LIMS4: variants seen among roughly 807,000 people sequenced by gnomAD.
LIMS4 encodes the protein LIM zinc finger domain containing 4.
the LIMS4 span, among the ~76,000 whole-genome samples, chr2:110,411,936 G>A: frequency 9.5e-4 from 5 of 5,248 alleles, no homozygotes; most frequent in South Asian, 4.2e-3. Context: ...CCATTTGTGC[G>A]CAACTTCTAA....
At chr2:110,390,236 T>C in the LIMS4 span, among the ~76,000 whole-genome samples, 73 of 140,366 alleles carry the variant, frequency 5.2e-4, 3 homozygotes, top group Admixed American at 4.2e-3. Flanking sequence ...GCAGGGTGGT[T>C]GATGCACTGA....
the LIMS4 span, among the ~76,000 whole-genome samples, chr2:110,368,916 T>G: frequency 1.5e-5 from 2 of 137,544 alleles, no homozygotes; most frequent in South Asian, 4.7e-4. Context: ...TTTTAACAGA[T>G]TCGTGTAGGA....
At chr2:110,367,215 GA>G in the LIMS4 span, among the ~76,000 whole-genome samples, 5 of 148,176 alleles carry the variant, frequency 3.4e-5, no homozygotes, top group East Asian at 1.9e-4. Context: ...CACAGAATTA[GA>G]AAAAAAACCT....
At chr2:110,425,575 A>G in the LIMS4 span, among the ~76,000 whole-genome samples, 1 of 140,972 alleles carries the variant, frequency 7.1e-6, no homozygotes, top group Non-Finnish European at 1.5e-5. Flanking sequence ...TAGGGAGGTT[A>G]TCCTGGATTT....
the LIMS4 span, among the ~76,000 whole-genome samples, chr2:110,425,026 T>G: frequency 7.0e-6 from 1 of 143,362 alleles, no homozygotes; most frequent in Non-Finnish European, 1.5e-5. Flanking sequence ...GCGGAAGCTT[T>G]ATTCTTTCTG....
At chr2:110,392,294 C>G in the LIMS4 span, among the ~76,000 whole-genome samples, 1 of 150,930 alleles carries the variant, frequency 6.6e-6, no homozygotes, top group Non-Finnish European at 1.5e-5. Context: ...AAAAAATTAG[C>G]CAGGCGCGGT....
chr2:110,382,372 A>G, the LIMS4 span, among the ~76,000 whole-genome samples: 1 of 44,316 alleles, frequency 2.3e-5, no homozygotes, highest in Non-Finnish European at 4.0e-5. Context: ...ACAGATAACA[A>G]TAAGTGTTTG....
chr2:110,386,492 T>C, the LIMS4 span: 4 of 486,202 alleles, frequency 8.2e-6, no homozygotes, highest in East Asian at 9.8e-5. Context: ...CCCAGCCTGG[T>C]GCCCCGGACA....
the LIMS4 span, among the ~76,000 whole-genome samples, chr2:110,424,813 A>G: frequency 7.0e-6 from 1 of 143,434 alleles, no homozygotes; most frequent in Admixed American, 6.9e-5. Flanking sequence ...TTTCTGTCTT[A>G]CAAGAAAATT....
the LIMS4 span, among the ~76,000 whole-genome samples, chr2:110,366,581 C>T: frequency 1.3e-5 from 2 of 151,782 alleles, no homozygotes; most frequent in African/African-American, 4.9e-5. Flanking sequence ...CCACGGCCAA[C>T]ATCACACTGA....
the LIMS4 span, chr2:110,397,329 G>C: frequency 6.9e-6 from 1 of 144,906 alleles, no homozygotes; most frequent in Non-Finnish European, 1.5e-5. Context: ...TATTATGATA[G>C]ATAATAGAAT....
chr2:110,424,971 C>A, the LIMS4 span, among the ~76,000 whole-genome samples: 73 of 144,202 alleles, frequency 5.1e-4, 7 homozygotes, highest in Non-Finnish European at 7.6e-4. Flanking sequence ...AAGCTGGCCA[C>A]CACCCCAGCC....
chr2:110,425,443 A>G, the LIMS4 span, among the ~76,000 whole-genome samples: 1 of 139,504 alleles, frequency 7.2e-6, no homozygotes, highest in Non-Finnish European at 1.5e-5. Context: ...CAGGTGGGAG[A>G]CTGGCAGGCA....
the LIMS4 span, chr2:110,386,637 G>T: frequency 4.6e-6 from 3 of 657,480 alleles, no homozygotes; most frequent in East Asian, 2.8e-5. Flanking sequence ...CTGCCAGGAA[G>T]AGCTGCCAGC....
chr2:110,360,405 AT>A, the LIMS4 span, among the ~76,000 whole-genome samples: 119 of 65,446 alleles, frequency 1.8e-3, no homozygotes, highest in South Asian at 7.7e-3. Flanking sequence ...ATTTAAATAT[AT>A]ACAAACTCTT....
At chr2:110,391,165 G>A in the LIMS4 span, among the ~76,000 whole-genome samples, 14 of 151,642 alleles carry the variant, frequency 9.2e-5, no homozygotes, top group African/African-American at 3.4e-4. Flanking sequence ...AGGGAGGGAA[G>A]GGTGGAGCAG....
At chr2:110,425,123 G>A in the LIMS4 span, among the ~76,000 whole-genome samples, 14 of 142,678 alleles carry the variant, frequency 9.8e-5, 2 homozygotes, top group East Asian at 2.2e-3. Flanking sequence ...CTTCATTCTC[G>A]AAGACCAGGA....
chr2:110,385,203 G>C, the LIMS4 span, among the ~76,000 whole-genome samples: 5 of 150,794 alleles, frequency 3.3e-5, no homozygotes, highest in African/African-American at 1.2e-4. Context: ...CCCCCATGGG[G>C]CCTAAACAAA....
chr2:110,402,014 G>C, the LIMS4 span, among the ~76,000 whole-genome samples: 1 of 59,034 alleles, frequency 1.7e-5, no homozygotes, highest in East Asian at 5.4e-4. Context: ...GGGAAGCAGA[G>C]GGTCCTGGGA....
Sources: gnomAD v4.1 joint callset for allele counts (sites outside exome capture counted in the v4.1 genomes callset) on GRCh38, gnomAD v4.1.1 for gene constraint, MANE v1.5 for transcripts, NCBI Gene and HGNC (gene_info 2026-07-23, HGNC 2026-07-21) for gene names.